The following THOC5 variants were observed in gnomAD, a reference collection of about 807,000 sequenced individuals.
THOC5 encodes THO complex subunit 5, also known as Fms-interacting protein.
Under a neutral mutation model 92.9 loss-of-function variants are expected in THOC5, and 43 were observed. The observed-to-expected ratio is 0.46, with a 90% confidence interval of 0.36 to 0.60. The LOEUF (loss-of-function observed/expected upper bound fraction) is 0.60. Among genes scored for constraint, THOC5 ranks in the 20% least tolerant of loss-of-function variants. The pLI is 0.00. For synonymous variants in THOC5, 296 were observed against 320.1 expected (o/e 0.92, Z 0.80); for missense variants, 659 against 849.4 (o/e 0.78, Z 2.79).
chr22:29,549,069 G>A lies in THOC5; in HGVS notation c.79C>T (p.Arg27Ter). ...DGAPAEGKRN[R>*]SDTEQEGKYY... The stretch of plus-strand genomic sequence containing the variant: ...GATCTCACCTGCTCGGTGTCAGATC[G>A]ATTCCGCTTTCCTTCAGCTGGGGCT... Residue 27 changes from arginine to a stop codon, truncating the protein, a stop_gained, in exon 2 of 20, where the codon CGA (arginine) becomes TGA (stop). Coordinates refer to ENST00000490103, the MANE Select transcript of THOC5 (RefSeq NM_003678.5). LOFTEE classifies it high-confidence loss of function. 9 of 1,614,098 alleles carry A rather than the reference G, an allele frequency of 5.6e-6. No individual in the cohort carries two copies. The highest frequency in any genetic ancestry group is 2.2e-5 in the East Asian group (1 of 44,882).
chr22:29,508,703 G>C (rs1402701498), intron 19 of THOC5, among the ~76,000 whole-genome samples, 183 bp from the exon 20 acceptor site: 1 of 152,158 alleles, frequency 6.6e-6, no homozygotes, highest in Non-Finnish European at 1.5e-5. Context: ...ATGTCTTTTT[G>C]TGCTTGCAAA....
At chr22:29,528,405 A>G (rs779212685) in intron 10 of THOC5, 21 bp downstream of exon 10, 1 of 1,613,916 alleles carries the variant, frequency 6.2e-7, no homozygotes, top group Non-Finnish European at 8.5e-7. Flanking sequence ...TGATGCCCCC[A>G]CAAGAGGAAA....
At chr22:29,518,301 G>C (rs1445256556) in intron 15 of THOC5, among the ~76,000 whole-genome samples, 2 of 152,174 alleles carry the variant, frequency 1.3e-5, no homozygotes, top group African/African-American at 2.4e-5. Context: ...CCAAAGTGCT[G>C]TGATTACAGG....
chr22:29,510,998 C>T, intron 19 of THOC5, 108 bp downstream of exon 19: 1 of 1,206,292 alleles, frequency 8.3e-7, no homozygotes, highest in Non-Finnish European at 1.2e-6. Context: ...GCATCGGCTG[C>T]AGGGGAAGTT....
chr22:29,552,804 GA>G (rs2064197720), intron 1 of THOC5, among the ~76,000 whole-genome samples: 1 of 152,206 alleles, frequency 6.6e-6, no homozygotes, highest in Non-Finnish European at 1.5e-5. Context: ...AGAGAGGGGG[GA>G]AATGTGGGGA....
At chr22:29,547,967 G>A (rs987598695) in intron 2 of THOC5, among the ~76,000 whole-genome samples, 1 of 152,168 alleles carries the variant, frequency 6.6e-6, no homozygotes, top group African/African-American at 2.4e-5. Flanking sequence ...CATGGCAGGA[G>A]GTGAAAGGCA....
chr22:29,536,799 G>C (rs547765230), intron 6 of THOC5, 61 bp from the exon 7 acceptor site: 1 of 928,020 alleles, frequency 1.1e-6, no homozygotes, highest in African/African-American at 1.6e-5. Flanking sequence ...CAACATGCCT[G>C]TTCACTGTCA....
chr22:29,548,538 C>G (rs1569236616), intron 2 of THOC5, among the ~76,000 whole-genome samples: 2 of 152,108 alleles, frequency 1.3e-5, no homozygotes, highest in Non-Finnish European at 2.9e-5. Context: ...GTGAGCGACA[C>G]AGTGAGACCC....
intron 10 of THOC5, 48 bp from the exon 11 acceptor site, chr22:29,528,225 T>C: frequency 6.2e-7 from 1 of 1,613,944 alleles, no homozygotes; most frequent in Non-Finnish European, 8.5e-7. Flanking sequence ...CATAGCAATC[T>C]CCCCTTCCCT....
At chr22:29,513,286 G>C in intron 17 of THOC5, among the ~76,000 whole-genome samples, 1 of 152,022 alleles carries the variant, frequency 6.6e-6, no homozygotes. Flanking sequence ...GAATCCAGGA[G>C]GTGGAGCTTG....
chr22:29,550,030 G>A (rs1236814938), intron 1 of THOC5, among the ~76,000 whole-genome samples: 1 of 151,988 alleles, frequency 6.6e-6, no homozygotes, highest in African/African-American at 2.4e-5. Flanking sequence ...TCTTCCCCCT[G>A]AGCCTGGCAG....
intron 4 of THOC5, 70 bp from the exon 5 acceptor site, chr22:29,543,026 T>A: frequency 1.8e-6 from 2 of 1,103,396 alleles, no homozygotes; most frequent in Non-Finnish European, 2.7e-6. Context: ...GTCAGCAAAC[T>A]AAGAGAAGGT....
At chr22:29,524,648 G>C (rs2063508130) in intron 12 of THOC5, among the ~76,000 whole-genome samples, 1 of 152,148 alleles carries the variant, frequency 6.6e-6, no homozygotes, top group African/African-American at 2.4e-5. Context: ...CCCTCTGCTG[G>C]GGTCAGATGG....
intron 17 of THOC5, 104 bp downstream of exon 17, chr22:29,516,925 T>A (rs1188513989): frequency 9.6e-7 from 1 of 1,046,498 alleles, no homozygotes; most frequent in African/African-American, 1.6e-5. Flanking sequence ...ATCTGTTAAG[T>A]CCTTGCAGGA....
intron 12 of THOC5, among the ~76,000 whole-genome samples, chr22:29,522,549 TTATATC>T (rs1175415174): frequency 3.9e-5 from 6 of 152,142 alleles, no homozygotes; most frequent in Non-Finnish European, 8.8e-5. Flanking sequence ...TTGGCAAAAT[TTATATC>T]TGCAACATAT....
At position 29,544,559 on chromosome 22, in the gene THOC5, G is replaced by A. The variant is rs1331513054; in HGVS notation, c.141C>T (p.Asp47=). The change falls in exon 3 of 20, where the codon GAC becomes GAT. Residue 47 remains aspartate, a synonymous_variant. Coordinates refer to ENST00000490103, the MANE Select transcript of THOC5 (RefSeq NM_003678.5). ...TGTATAACTCATAGTCTCTGCCAGG[G>A]TCCCGCAGATCCACCTCGGCCTCCT... ...YSEEAEVDLR[D]PGRDYELYKY... 2 of 1,613,586 alleles carry A rather than the reference G, an allele frequency of 1.2e-6. No homozygotes were observed. The highest frequency in any genetic ancestry group is 2.2e-5 in the South Asian group (2 of 91,016).
At chr22:29,545,585 C>T (rs1452705778) in intron 2 of THOC5, among the ~76,000 whole-genome samples, 1 of 152,156 alleles carries the variant, frequency 6.6e-6, no homozygotes, top group African/African-American at 2.4e-5. Flanking sequence ...AAAGGCGTTA[C>T]AGGGCCCATG....
chr22:29,543,001 G>A, intron 4 of THOC5, 45 bp from the exon 5 acceptor site: 1 of 1,422,350 alleles, frequency 7.0e-7, no homozygotes, highest in Non-Finnish European at 9.8e-7. Flanking sequence ...AAGTCAGGAT[G>A]GAGCAGAGGA....
At chr22:29,510,536 T>G (rs1256815653) in intron 19 of THOC5, among the ~76,000 whole-genome samples, 1 of 152,146 alleles carries the variant, frequency 6.6e-6, no homozygotes, top group Non-Finnish European at 1.5e-5. Context: ...AGGTCAAGAC[T>G]GCAAGGCTAC....
Sources: allele counts gnomAD v4.1 joint callset (sites outside exome capture counted in the v4.1 genomes callset), GRCh38; gene constraint gnomAD v4.1.1; transcripts MANE v1.5; gene names NCBI Gene and HGNC (gene_info 2026-07-23, HGNC 2026-07-21).